Variants in ACYP2 observed in about 807,000 individuals in gnomAD.
The protein encoded by ACYP2 is acylphosphatase-2.
Under a neutral mutation model 11.2 loss-of-function variants are expected in ACYP2, and 12 were observed. That is an observed-to-expected ratio of 1.08 (90% CI 0.69 to 1.74). The LOEUF (loss-of-function observed/expected upper bound fraction) is 1.74, where lower values mean the gene tolerates loss of function less well. ACYP2 is among the 40% of genes most tolerant of loss of function. ACYP2 has a pLI of 0.00. For missense variants in ACYP2, 134 were observed against 101.9 expected (o/e 1.31, Z -1.35); for synonymous variants, 43 against 32.2 (o/e 1.33, Z -1.13).
At chr2:54,008,284 C>T (rs557253392) in intron 2 of ACYP2, among the ~76,000 whole-genome samples, 4 of 152,298 alleles carry the variant, frequency 2.6e-5, no homozygotes, top group Non-Finnish European at 4.4e-5. Context: ...CTCTAAGTTC[C>T]GAGTTTTGGT....
chr2:54,115,561 C>A (rs1053114657), intron 4 of ACYP2, 54 bp from the exon 1 acceptor site: 1 of 1,525,984 alleles, frequency 6.6e-7, no homozygotes, highest in Admixed American at 2.1e-5. Context: ...CGCGTGACCC[C>A]GGCGCGCTAG....
intron 3 of ACYP2, among the ~76,000 whole-genome samples, chr2:54,057,011 A>C (rs997043770): frequency 3.3e-5 from 5 of 152,212 alleles, no homozygotes; most frequent in African/African-American, 1.2e-4. Flanking sequence ...TCCATTTGCA[A>C]AACTATGTGA....
chr2:54,260,709 A>G (rs1425329259), intron 6 of ACYP2, among the ~76,000 whole-genome samples: 1 of 152,148 alleles, frequency 6.6e-6, no homozygotes, highest in East Asian at 1.9e-4. Flanking sequence ...ATTAGTCAGA[A>G]TCCCATTCAT....
intron 6 of ACYP2, 96 bp downstream of exon 3, chr2:54,138,844 G>C (rs1681428232): frequency 1.0e-6 from 1 of 959,480 alleles, no homozygotes; most frequent in South Asian, 1.6e-5. Context: ...CCAGGTTGGA[G>C]TGCAGTGGCA....
At chr2:54,219,656 T>C (rs1006699654) in intron 6 of ACYP2, among the ~76,000 whole-genome samples, 1 of 151,946 alleles carries the variant, frequency 6.6e-6, no homozygotes, top group East Asian at 1.9e-4. Context: ...TCTCGCTCTG[T>C]TGCCCAGGCT....
intron 3 of ACYP2, among the ~76,000 whole-genome samples, chr2:54,054,298 T>C (rs1039837691): frequency 1.3e-5 from 2 of 152,216 alleles, no homozygotes; most frequent in African/African-American, 4.8e-5. Flanking sequence ...AAGAGACAGA[T>C]AGTTTCTAGA....
intron 2 of ACYP2, among the ~76,000 whole-genome samples, chr2:54,017,576 T>C (rs1474187572): frequency 6.6e-6 from 1 of 152,102 alleles, no homozygotes; most frequent in Non-Finnish European, 1.5e-5. Context: ...TTTCAACATA[T>C]GAATTTTGGA....
intron 4 of ACYP2, among the ~76,000 whole-genome samples, chr2:54,081,037 C>G (rs943283895): frequency 6.6e-6 from 1 of 152,162 alleles, no homozygotes; most frequent in Admixed American, 6.5e-5. Flanking sequence ...TATATGATTT[C>G]AGGACATTTC....
chr2:54,292,677 C>T (rs956915508), intron 6 of ACYP2, among the ~76,000 whole-genome samples: 2 of 15,200 alleles, frequency 1.3e-4, no homozygotes, highest in Non-Finnish European at 2.5e-4. Context: ...TATACACACA[C>T]ACACACACAC....
chr2:54,127,541 C>G (rs1349070587), intron 4 of ACYP2, among the ~76,000 whole-genome samples: 1 of 152,044 alleles, frequency 6.6e-6, no homozygotes, highest in Non-Finnish European at 1.5e-5. Flanking sequence ...ACCATCCTGG[C>G]TAACATAGTG....
At chr2:54,051,560 C>A in intron 3 of ACYP2, 1 of 742,770 alleles carries the variant, frequency 1.3e-6, no homozygotes, top group Middle Eastern at 3.3e-4. Flanking sequence ...TCATCTTGGC[C>A]TGTCCATTGG....
At chr2:54,108,323 A>G (rs1043685309) in intron 4 of ACYP2, among the ~76,000 whole-genome samples, 1 of 152,230 alleles carries the variant, frequency 6.6e-6, no homozygotes, top group Non-Finnish European at 1.5e-5. Flanking sequence ...AAGAGATTGC[A>G]ATGGATGTGT....
At chr2:54,184,643 T>G (rs1683891958) in intron 6 of ACYP2, among the ~76,000 whole-genome samples, 1 of 152,068 alleles carries the variant, frequency 6.6e-6, no homozygotes, top group Non-Finnish European at 1.5e-5. Context: ...AATACAAATA[T>G]GATAAATATA....
intron 2 of ACYP2, among the ~76,000 whole-genome samples, chr2:54,008,967 A>G (rs1673214699): frequency 6.6e-6 from 1 of 152,078 alleles, no homozygotes; most frequent in African/African-American, 2.4e-5. Context: ...AGCCTGGCCA[A>G]CATGGTGAAA....
intron 2 of ACYP2, chr2:53,975,294 C>G: frequency 2.5e-6 from 1 of 397,884 alleles, no homozygotes; most frequent in Non-Finnish European, 4.4e-6. Flanking sequence ...AACATCTGAA[C>G]TGGAAAAGTT....
chr2:54,182,930 G>A (rs78491217), intron 6 of ACYP2, among the ~76,000 whole-genome samples: 3,751 of 152,194 alleles, frequency 0.025, 172 homozygotes, highest in African/African-American at 0.087. Context: ...GGATATCTAT[G>A]TTAAACCAAC....
At chr2:54,260,563 C>T (rs1203247258) in intron 6 of ACYP2, among the ~76,000 whole-genome samples, 1 of 152,016 alleles carries the variant, frequency 6.6e-6, no homozygotes, top group African/African-American at 2.4e-5. Context: ...GGAAGACATA[C>T]AGGATGAGGT....
intron 6 of ACYP2, among the ~76,000 whole-genome samples, chr2:54,251,043 T>C (rs1035443038): frequency 3.9e-5 from 6 of 152,182 alleles, no homozygotes; most frequent in African/African-American, 1.4e-4. Flanking sequence ...AATATATGGA[T>C]TTGATGATCT....
chr2:54,222,291 T>C (rs1265215115), intron 6 of ACYP2, among the ~76,000 whole-genome samples: 14 of 152,140 alleles, frequency 9.2e-5, no homozygotes, highest in Admixed American at 9.2e-4. Context: ...GGCTCATGCC[T>C]GTAGTCCTAG....
Sources: gnomAD v4.1 joint callset for allele counts (sites outside exome capture counted in the v4.1 genomes callset) on GRCh38, gnomAD v4.1.1 for gene constraint, MANE v1.5 for transcripts, NCBI Gene and HGNC (gene_info 2026-07-23, HGNC 2026-07-21) for gene names.